The following ZNF827 variants were observed in gnomAD, a reference collection of about 807,000 sequenced individuals.
ZNF827 encodes the protein zinc finger protein 827.
A neutral mutation model predicts 102.4 loss-of-function variants in ZNF827; 13 were observed. The observed-to-expected ratio is 0.13, with a 90% CI of 0.08 to 0.20. The LOEUF is 0.20. Among genes scored for constraint, ZNF827 ranks in the 10% least tolerant of loss-of-function variants. The pLI is 1.00. For synonymous variants in ZNF827, 523 were observed against 536.2 expected (o/e 0.98, Z 0.34); for missense variants, 1,103 against 1,344.4 (o/e 0.82, Z 2.81).
chr4:145,870,333 G>C lies in ZNF827; in HGVS notation c.1893C>G (p.Asp631Glu), dbSNP rs186229674. Residue 631 changes from aspartate to glutamate, a missense_variant, in exon 5 of 15, where the codon GAC becomes GAG. By Grantham distance (45) the Asp-to-Glu change is conservative. Transcript: ENST00000508784. ...CCTTCCCTTCCTGGGGCTTTAGTGCGTCCTCAGAGACGCCTGGGGCTGACA... is the reference window on the plus strand; with the variant it reads ...CCTTCCCTTCCTGGGGCTTTAGTGCCTCCTCAGAGACGCCTGGGGCTGACA... Reference protein sequence around the residue: ...SEVSAPGVSEDALKPQEGKGS... With the variant: ...SEVSAPGVSEEALKPQEGKGS... The C allele has an allele frequency of 1.2e-6, 2 of 1,613,950 alleles. No individual in the cohort carries two copies. The highest frequency in any genetic ancestry group is 1.3e-5 in the African/African-American group (1 of 74,876).
chr4:145,770,806 T>C (rs1471693841), intron 11 of ZNF827, among the ~76,000 whole-genome samples: 1 of 152,230 alleles, frequency 6.6e-6, no homozygotes, highest in Non-Finnish European at 1.5e-5. Flanking sequence ...TATTTTCCCA[T>C]GAATAAATTC....
chr4:145,901,294 C>T (rs1315252704), intron 2 of ZNF827, among the ~76,000 whole-genome samples: 3 of 152,196 alleles, frequency 2.0e-5, no homozygotes, highest in Non-Finnish European at 2.9e-5. Flanking sequence ...AACCCCAACA[C>T]GCATCCCAGG....
intron 8 of ZNF827, among the ~76,000 whole-genome samples, chr4:145,801,047 A>G (rs1255737886): frequency 6.6e-6 from 1 of 152,226 alleles, no homozygotes; most frequent in African/African-American, 2.4e-5. Flanking sequence ...AGCTTTCAAT[A>G]AGAAAATTCA....
intron 2 of ZNF827, among the ~76,000 whole-genome samples, chr4:145,901,893 GA>G (rs933378397): frequency 2.0e-5 from 3 of 150,664 alleles, no homozygotes; most frequent in Non-Finnish European, 4.4e-5. Flanking sequence ...AACTTAGTAA[GA>G]AAAAAAAATC....
At chr4:145,874,206 C>T (rs1306815023) in intron 4 of ZNF827, among the ~76,000 whole-genome samples, 1 of 152,082 alleles carries the variant, frequency 6.6e-6, no homozygotes, top group African/African-American at 2.4e-5. Flanking sequence ...AATAGAACTT[C>T]AAAAAGACAC....
Position 145,763,249 on chromosome 4 carries a change from T to C in ZNF827, c.3231-127A>G, listed in dbSNP as rs1285162102. 1.1e-6 allele frequency: 1 copy of C among 949,024 alleles called. No individual in the cohort carries two copies. The highest frequency in any genetic ancestry group is 1.6e-6 in the Non-Finnish European group (1 of 642,068). 58.8% of individuals were successfully genotyped at this position (949,024 alleles called of 1,614,324 possible). A position where few individuals can be genotyped will look rare whatever the true frequency, so the allele number is the denominator to read the frequency against. ...AGCAGTCTGTTTCATTTTAAGGACA[T>C]TTCTGTGACCCACAGCTCAATCTTT... On this transcript the variant is annotated intron_variant, in intron 13 of 14. Transcript: ENST00000508784. This position sits in a 1 kb window ranked among gnomAD's most constrained non-coding sequence, Gnocchi z 4.6.
chr4:145,855,680 G>T (rs1433865219), intron 5 of ZNF827, among the ~76,000 whole-genome samples: 2 of 152,226 alleles, frequency 1.3e-5, no homozygotes, highest in Admixed American at 6.5e-5. Flanking sequence ...AGATCTACTG[G>T]AGTGGAGGCC....
chr4:145,806,942 G>T (rs1045363902), intron 8 of ZNF827, among the ~76,000 whole-genome samples: 1 of 152,112 alleles, frequency 6.6e-6, no homozygotes, highest in East Asian at 1.9e-4. Flanking sequence ...TTTAATTCAT[G>T]AATCTCCCTT....
At chr4:145,937,019 G>T (rs1175829330) in intron 1 of ZNF827, among the ~76,000 whole-genome samples, 2 of 151,700 alleles carry the variant, frequency 1.3e-5, no homozygotes, top group Admixed American at 1.3e-4. Context: ...CTTCTCCCCT[G>T]CCCCCTCTTC....
chr4:145,829,680 G>A (rs569936484), intron 7 of ZNF827, among the ~76,000 whole-genome samples: 1 of 152,306 alleles, frequency 6.6e-6, no homozygotes, highest in Admixed American at 6.5e-5. Context: ...TTCTGTGGGA[G>A]CCAACGTGTT....
chr4:145,838,483 C>G lies in ZNF827; in HGVS notation c.2279+7473G>C, dbSNP rs540218991. 2.8e-4 allele frequency among the ~76,000 whole-genome samples: 42 copies of G among 152,270 alleles called. 1 individual carries two copies. The highest frequency in any genetic ancestry group is 2.3e-3 in the Admixed American group (35 of 15,288). ...TCACACAAAGCCTGCTTGGTGGTCTCTTCACAGGGACGCGCATGAAAAGTC... is the reference window on the plus strand; with the variant it reads ...TCACACAAAGCCTGCTTGGTGGTCTGTTCACAGGGACGCGCATGAAAAGTC... On this transcript the variant is annotated intron_variant, in intron 7 of 14. Transcript: ENST00000508784.
intron 8 of ZNF827, among the ~76,000 whole-genome samples, chr4:145,783,499 C>T (rs1489560315): frequency 6.6e-6 from 1 of 152,230 alleles, no homozygotes; most frequent in African/African-American, 2.4e-5. Context: ...CTTACCTCTT[C>T]CCAATAGCAT....
At chr4:145,881,126 A>T (rs1199512321) in intron 4 of ZNF827, among the ~76,000 whole-genome samples, 1 of 152,266 alleles carries the variant, frequency 6.6e-6, no homozygotes, top group East Asian at 1.9e-4. Context: ...TGTAGAACAA[A>T]GGCCAATGGA....
intron 8 of ZNF827, among the ~76,000 whole-genome samples, chr4:145,793,734 C>T (rs1324900213): frequency 6.6e-6 from 1 of 152,128 alleles, no homozygotes; most frequent in African/African-American, 2.4e-5. Flanking sequence ...CACTTTCCTA[C>T]CCCATAACAG....
At chr4:145,830,742 T>C (rs1415354247) in intron 7 of ZNF827, 1 of 152,212 alleles carries the variant, frequency 6.6e-6, no homozygotes, top group East Asian at 1.9e-4. Flanking sequence ...TGTAAAAAAA[T>C]TTCGAACACT....
intron 8 of ZNF827, among the ~76,000 whole-genome samples, chr4:145,790,639 C>G (rs1739547523): frequency 6.6e-6 from 1 of 152,142 alleles, no homozygotes; most frequent in Admixed American, 6.5e-5. Flanking sequence ...CTGGTATCCT[C>G]AATTATTCTA....
In ZNF827 at chr4:145,886,066, A is replaced by T. The variant is rs757537486; in HGVS notation, c.1359T>A (p.Arg453=). Residue 453 remains arginine, a synonymous_variant, in exon 4 of 15, where the codon CGT becomes CGA. Transcript: ENST00000508784. ...CTGTCCTCAGGAAGTGCTGATGGCAACGCATGTGGAGTTTCAGGCTGAAGT... is the reference window on the plus strand; with the variant it reads ...CTGTCCTCAGGAAGTGCTGATGGCATCGCATGTGGAGTTTCAGGCTGAAGT... ...SRHFSLKLHM[R]CHQHFLRTEA... 1 of 1,614,206 alleles carries T rather than the reference A, an allele frequency of 6.2e-7. No individual in the cohort carries two copies. The highest frequency in any genetic ancestry group is 8.5e-7 in the Non-Finnish European group (1 of 1,180,010).
At chr4:145,857,534 A>G (rs1747270772) in intron 5 of ZNF827, among the ~76,000 whole-genome samples, 1 of 152,252 alleles carries the variant, frequency 6.6e-6, no homozygotes, top group Non-Finnish European at 1.5e-5. Context: ...TGGCCACAAC[A>G]GTATGCCCAC....
At chr4:145,907,680 G>A (rs775667089) in intron 1 of ZNF827, among the ~76,000 whole-genome samples, 2 of 152,168 alleles carry the variant, frequency 1.3e-5, no homozygotes, top group Non-Finnish European at 2.9e-5. Context: ...AGTGGCCAAT[G>A]TAAATAACTT....
Sources: allele counts gnomAD v4.1 joint callset (sites outside exome capture counted in the v4.1 genomes callset), GRCh38; gene constraint gnomAD v4.1.1; non-coding constraint Gnocchi (gnomAD v3.1); transcripts MANE v1.5; gene names NCBI Gene and HGNC (gene_info 2026-07-23, HGNC 2026-07-21).